The following PCMTD1 variants were observed in gnomAD, a reference collection of about 807,000 sequenced individuals.
PCMTD1 encodes protein-L-isoaspartate (D-aspartate) O-methyltransferase domain containing 1, also known as protein-L-isoaspartate O-methyltransferase domain-containing protein 1.
In PCMTD1, 12 loss-of-function variants were observed where a neutral mutation model predicts 37.6. That is an observed-to-expected ratio of 0.32 (90% CI 0.20 to 0.52). The LOEUF (loss-of-function observed/expected upper bound fraction) is 0.52. PCMTD1 is among the 20% of genes least tolerant of loss of function. The probability of loss-of-function intolerance (pLI) is 0.97; values close to 1 mark genes in which losing one functional copy is unlikely to be tolerated. For missense variants in PCMTD1, 235 were observed against 421.3 expected (o/e 0.56, Z 3.87); for synonymous variants, 117 against 135.8 (o/e 0.86, Z 0.96).
intron 1 of PCMTD1, among the ~76,000 whole-genome samples, chr8:51,878,728 GAT>G (rs2038750247): frequency 6.6e-6 from 1 of 152,190 alleles, no homozygotes; most frequent in Non-Finnish European, 1.5e-5. Flanking sequence ...CAGCCTGGAT[GAT>G]AGAGTGAAAC....
chr8:51,875,957 T>C (rs1032545777), intron 1 of PCMTD1, among the ~76,000 whole-genome samples: 1 of 149,522 alleles, frequency 6.7e-6, no homozygotes, highest in Non-Finnish European at 1.5e-5. Context: ...TGTGTGTGTG[T>C]GTGTCTGTGT....
intron 1 of PCMTD1, among the ~76,000 whole-genome samples, chr8:51,866,938 C>T (rs2038563879): frequency 6.6e-6 from 1 of 151,802 alleles, no homozygotes; most frequent in Non-Finnish European, 1.5e-5. Flanking sequence ...ACCCATACAT[C>T]TGATAAGGGA....
chr8:51,884,016 A>G (rs1166459330), intron 1 of PCMTD1, among the ~76,000 whole-genome samples: 1 of 152,228 alleles, frequency 6.6e-6, no homozygotes, highest in Non-Finnish European at 1.5e-5. Context: ...GTTCAAGGGC[A>G]TACTGAAAGA....
At chr8:51,828,241 T>C (rs2037949304) in intron 5 of PCMTD1, among the ~76,000 whole-genome samples, 1 of 152,198 alleles carries the variant, frequency 6.6e-6, no homozygotes, top group African/African-American at 2.4e-5. Flanking sequence ...AAAATTTTTT[T>C]CATTACTTCC....
chr8:51,881,319 C>A (rs1433196769), intron 1 of PCMTD1, among the ~76,000 whole-genome samples: 1 of 152,174 alleles, frequency 6.6e-6, no homozygotes, highest in African/African-American at 2.4e-5. Flanking sequence ...CCAGCAATAT[C>A]TCTTGTGTTT....
intron 5 of PCMTD1, among the ~76,000 whole-genome samples, chr8:51,826,420 A>G (rs1395017520): frequency 6.6e-6 from 1 of 152,198 alleles, no homozygotes; most frequent in Admixed American, 6.5e-5. Context: ...TACCTAATGT[A>G]GGTCATGGGT....
intron 5 of PCMTD1, among the ~76,000 whole-genome samples, chr8:51,829,837 C>G (rs1326324230): frequency 6.6e-6 from 1 of 152,032 alleles, no homozygotes; most frequent in Non-Finnish European, 1.5e-5. Context: ...CAAAGTCATG[C>G]AGCTCAAAAG....
intron 5 of PCMTD1, among the ~76,000 whole-genome samples, chr8:51,830,239 T>C (rs564736089): frequency 6.6e-6 from 1 of 152,340 alleles, no homozygotes; most frequent in East Asian, 1.9e-4. Context: ...CTCCGCTAAA[T>C]GATCTCATCC....
intron 2 of PCMTD1, chr8:51,850,217 G>T: frequency 1.7e-6 from 1 of 592,098 alleles, no homozygotes; most frequent in South Asian, 2.1e-5. Context: ...AGTAGTCCCT[G>T]GGAAAAAGCA....
chr8:51,844,491 C>T (rs755327371), intron 3 of PCMTD1, among the ~76,000 whole-genome samples: 1 of 152,130 alleles, frequency 6.6e-6, no homozygotes, highest in Non-Finnish European at 1.5e-5. Flanking sequence ...CTTGCCTTCA[C>T]TGTTAAGTAC....
At chr8:51,838,348 G>T (rs2038097144) in intron 3 of PCMTD1, among the ~76,000 whole-genome samples, 1 of 151,612 alleles carries the variant, frequency 6.6e-6, no homozygotes, top group Non-Finnish European at 1.5e-5. Flanking sequence ...AATCAGTTAG[G>T]CACGGTAGCA....
chr8:51,898,617 G>A (rs1404955419), intron 1 of PCMTD1, among the ~76,000 whole-genome samples: 1 of 152,128 alleles, frequency 6.6e-6, no homozygotes, highest in South Asian at 2.1e-4. Context: ...GCGGCGCCCC[G>A]GCCTCCCTCG....
At chr8:51,898,653 G>A (rs998709) in intron 1 of PCMTD1, among the ~76,000 whole-genome samples, 1 of 150,836 alleles carries the variant, frequency 6.6e-6, no homozygotes, top group Non-Finnish European at 1.5e-5. Context: ...CGGCCCCAGG[G>A]ACCCCGGCTC....
At chr8:51,860,057 T>G (rs1450088628) in intron 2 of PCMTD1, among the ~76,000 whole-genome samples, 2 of 152,228 alleles carry the variant, frequency 1.3e-5, no homozygotes, top group African/African-American at 2.4e-5. Flanking sequence ...ATAGCAGATT[T>G]TCCTCCACCC....
intron 1 of PCMTD1, among the ~76,000 whole-genome samples, chr8:51,868,678 GAGA>G (rs1444270306): frequency 4.7e-4 from 71 of 152,192 alleles, no homozygotes; most frequent in African/African-American, 1.6e-3. Flanking sequence ...GATACAGAAA[GAGA>G]AGATTATTAC....
chr8:51,899,107 G>T, upstream of PCMTD1: 1 of 1,451,996 alleles, frequency 6.9e-7, no homozygotes, highest in Non-Finnish European at 9.1e-7. Context: ...CCGGGGTCCG[G>T]GCATGCGCAG....
chr8:51,874,919 T>C (rs1367436065), intron 1 of PCMTD1, among the ~76,000 whole-genome samples: 1 of 152,180 alleles, frequency 6.6e-6, no homozygotes, highest in Admixed American at 6.5e-5. Flanking sequence ...TCTTATGAGG[T>C]AAGAACTGCA....
chr8:51,838,318 C>T (rs938767982), intron 3 of PCMTD1, among the ~76,000 whole-genome samples: 7 of 151,946 alleles, frequency 4.6e-5, no homozygotes, highest in Non-Finnish European at 8.8e-5. Flanking sequence ...AAGACCCTGT[C>T]TCTACAAATT....
chr8:51,868,948 A>G (rs905005528), intron 1 of PCMTD1, among the ~76,000 whole-genome samples: 15 of 152,144 alleles, frequency 9.9e-5, no homozygotes, highest in African/African-American at 3.6e-4. Flanking sequence ...GACTGGTATT[A>G]TACTGTATAT....
Sources: allele counts gnomAD v4.1 joint callset (sites outside exome capture counted in the v4.1 genomes callset), GRCh38; gene constraint gnomAD v4.1.1; transcripts MANE v1.5; gene names NCBI Gene and HGNC (gene_info 2026-07-23, HGNC 2026-07-21).